Variants in ADGRA3 observed in about 807,000 individuals in gnomAD.
The protein encoded by ADGRA3 is adhesion G protein-coupled receptor A3, also known as G-protein coupled receptor 125.
Under a neutral mutation model 119.8 loss-of-function variants are expected in ADGRA3, and 56 were observed. The ratio of observed to expected loss-of-function variants is 0.47; its 90% confidence interval spans 0.38 to 0.58. The LOEUF (loss-of-function observed/expected upper bound fraction) is 0.58, where lower values mean the gene tolerates loss of function less well. Ranked by LOEUF, ADGRA3 falls within the 20% of genes least tolerant of loss-of-function variation. The pLI is 0.00. For synonymous variants in ADGRA3, 607 were observed against 623.8 expected, an observed-to-expected ratio of 0.97 and a Z score of 0.40; for missense variants, 1,516 against 1,649.0, an observed-to-expected ratio of 0.92 and a Z score of 1.40.
At chr4:22,436,720 T>A (rs939572422) in intron 8 of ADGRA3, 79 bp from the exon 9 acceptor site, 10 of 1,266,402 alleles carry the variant, frequency 7.9e-6, no homozygotes, top group African/African-American at 1.5e-5. Context: ...GAGAAAAAAA[T>A]CAAAGATGAA....
intron 2 of ADGRA3, among the ~76,000 whole-genome samples, chr4:22,467,100 C>T (rs1007600496): frequency 2.6e-5 from 4 of 152,014 alleles, no homozygotes; most frequent in Non-Finnish European, 4.4e-5. Context: ...AGTTGACCTT[C>T]GAATAATTCA....
At chr4:22,392,390 G>C (rs866657937) in intron 17 of ADGRA3, among the ~76,000 whole-genome samples, 155 bp downstream of exon 17, 5 of 152,148 alleles carry the variant, frequency 3.3e-5, no homozygotes, top group African/African-American at 7.2e-5. Flanking sequence ...GACTCGCAGC[G>C]GGAAGGATGC....
chr4:22,392,418 C>G, intron 17 of ADGRA3, 127 bp downstream of exon 17: 1 of 1,079,964 alleles, frequency 9.3e-7, no homozygotes, highest in Non-Finnish European at 1.4e-6. Flanking sequence ...ATTTTCAAAA[C>G]CAGGCAGTCC....
intron 10 of ADGRA3, among the ~76,000 whole-genome samples, chr4:22,432,722 T>C (rs569274578): frequency 6.6e-6 from 1 of 152,136 alleles, no homozygotes; most frequent in South Asian, 2.1e-4. Flanking sequence ...CCTTTAACTG[T>C]TTTTAAAAGG....
chr4:22,465,344 G>A (rs1424517440), intron 2 of ADGRA3, among the ~76,000 whole-genome samples: 1 of 152,210 alleles, frequency 6.6e-6, no homozygotes, highest in East Asian at 1.9e-4. Flanking sequence ...AAATACTCTG[G>A]TCTTAGCAAT....
intron 1 of ADGRA3, among the ~76,000 whole-genome samples, chr4:22,500,882 T>C (rs576023455): frequency 6.6e-6 from 1 of 152,272 alleles, no homozygotes; most frequent in African/African-American, 2.4e-5. Flanking sequence ...TAAGTGGGCA[T>C]CTTCCAATAC....
At chr4:22,460,298 A>C (rs560432634) in intron 3 of ADGRA3, among the ~76,000 whole-genome samples, 1 of 152,318 alleles carries the variant, frequency 6.6e-6, no homozygotes, top group South Asian at 2.1e-4. Context: ...ATGTTGGCAT[A>C]AGGATTATTT....
At chr4:22,477,468 T>C (rs1039217547) in intron 1 of ADGRA3, among the ~76,000 whole-genome samples, 1 of 152,208 alleles carries the variant, frequency 6.6e-6, no homozygotes, top group African/African-American at 2.4e-5. Context: ...AACTTTGCAG[T>C]CACTAAGAAT....
chr4:22,509,312 C>G (rs374709911), intron 1 of ADGRA3, among the ~76,000 whole-genome samples: 7 of 151,766 alleles, frequency 4.6e-5, no homozygotes, highest in African/African-American at 1.2e-4. Context: ...ACCAGCCTAG[C>G]CAACATGGTG....
At chr4:22,444,691 A>T (rs75827278) in intron 6 of ADGRA3, among the ~76,000 whole-genome samples, 3,735 of 152,290 alleles carry the variant, frequency 0.025, 87 homozygotes, top group East Asian at 0.078. Context: ...CGAGTTGCCA[A>T]CTGATGGAAA....
chr4:22,459,709 A>G lies in ADGRA3; in HGVS notation c.401+2028T>C, dbSNP rs114552553. Among the ~76,000 whole-genome samples the G allele has an allele frequency of 4.1e-3, 629 of 152,244 alleles. 2 individuals carry two copies. The highest frequency in any genetic ancestry group is 0.013 in the African/African-American group (554 of 41,542). On this transcript the variant is annotated intron_variant, in intron 3 of 18. Coordinates refer to ENST00000334304, the MANE Select transcript of ADGRA3 (RefSeq NM_145290.4). ...TTAAAGAAGTATATAAGAACCCCAA[A>G]AAACAAGACACAGAGCCCACCAAAA...
chr4:22,431,905 G>C (rs931416807), intron 10 of ADGRA3, among the ~76,000 whole-genome samples: 1 of 152,028 alleles, frequency 6.6e-6, no homozygotes, highest in African/African-American at 2.4e-5. Flanking sequence ...GATCTCTAGG[G>C]ATTTTATAAG....
intron 2 of ADGRA3, among the ~76,000 whole-genome samples, 193 bp downstream of exon 2, chr4:22,473,579 T>C (rs1717930689): frequency 6.6e-6 from 1 of 152,240 alleles, no homozygotes; most frequent in Non-Finnish European, 1.5e-5. Flanking sequence ...ATTTACTTAC[T>C]ATCTGGCCCT....
chr4:22,503,675 C>G (rs1175939036), intron 1 of ADGRA3, among the ~76,000 whole-genome samples: 1 of 152,026 alleles, frequency 6.6e-6, no homozygotes, highest in Non-Finnish European at 1.5e-5. Context: ...CTAGATAGGA[C>G]CAGGTCACAT....
chr4:22,419,093 T>A (rs1715545385), intron 12 of ADGRA3, among the ~76,000 whole-genome samples: 1 of 152,088 alleles, frequency 6.6e-6, no homozygotes, highest in Admixed American at 6.6e-5. Context: ...ACAGAGATTC[T>A]GAAATATGCA....
intron 3 of ADGRA3, among the ~76,000 whole-genome samples, chr4:22,459,825 A>G (rs761850153): frequency 1.1e-4 from 17 of 152,138 alleles, no homozygotes; most frequent in Non-Finnish European, 2.2e-4. Context: ...GTTTCTCCTT[A>G]TTGCTATCAG....
intron 16 of ADGRA3, among the ~76,000 whole-genome samples, chr4:22,396,216 C>T (rs1338753161): frequency 2.0e-5 from 3 of 152,036 alleles, no homozygotes; most frequent in African/African-American, 7.2e-5. Flanking sequence ...AGTTAAAGGC[C>T]GTAGAAAGCA....
intron 16 of ADGRA3, among the ~76,000 whole-genome samples, chr4:22,398,902 G>T (rs1018538858): frequency 2.6e-5 from 4 of 152,190 alleles, no homozygotes; most frequent in Admixed American, 6.5e-5. Context: ...GAGTACAGGA[G>T]TGGGGCTGCT....
At chr4:22,426,202 A>G (rs1253281453) in intron 10 of ADGRA3, among the ~76,000 whole-genome samples, 1 of 152,116 alleles carries the variant, frequency 6.6e-6, no homozygotes, top group Non-Finnish European at 1.5e-5. Context: ...AATAGGACCA[A>G]TGCATCCAAC....
Sources: gnomAD v4.1 joint callset for allele counts (sites outside exome capture counted in the v4.1 genomes callset) on GRCh38, gnomAD v4.1.1 for gene constraint, MANE v1.5 for transcripts, NCBI Gene and HGNC (gene_info 2026-07-23, HGNC 2026-07-21) for gene names.